The following CYRIA variants were observed in gnomAD, a reference collection of about 807,000 sequenced individuals.
The protein encoded by CYRIA is CYFIP-related Rac1 interactor A.
Under a neutral mutation model 43.9 loss-of-function variants are expected in CYRIA, and 15 were observed. The observed-to-expected ratio is 0.34, with a 90% CI of 0.23 to 0.53. The LOEUF (loss-of-function observed/expected upper bound fraction) is 0.53. Ranked by LOEUF, CYRIA falls within the 20% of genes least tolerant of loss-of-function variation. The pLI is 0.94. For synonymous variants in CYRIA, 117 were observed against 136.0 expected (o/e 0.86, Z 0.97); for missense variants, 236 against 394.2 (o/e 0.60, Z 3.40).
At chr2:16,633,542 G>GTT (rs1669393828) in intron 1 of CYRIA, among the ~76,000 whole-genome samples, 2 of 123,064 alleles carry the variant, frequency 1.6e-5, no homozygotes, top group Admixed American at 9.1e-5. Context: ...ACTATCCCTG[G>GTT]CTTTTTTTTT....
chr2:16,634,648 A>G (rs543238932), intron 1 of CYRIA, among the ~76,000 whole-genome samples: 2 of 143,218 alleles, frequency 1.4e-5, no homozygotes, highest in South Asian at 2.3e-4. Flanking sequence ...ACAGCACATC[A>G]CAGTGATAAG....
intron 4 of CYRIA, 22 bp downstream of exon 4, chr2:16,565,624 T>G (rs753484769): frequency 6.5e-7 from 1 of 1,543,638 alleles, no homozygotes; most frequent in East Asian, 2.3e-5. Flanking sequence ...GTGTTGTCAG[T>G]TCAGCGTGAT....
chr2:16,602,146 A>G (rs1397012288), intron 2 of CYRIA, among the ~76,000 whole-genome samples: 1 of 152,228 alleles, frequency 6.6e-6, no homozygotes, highest in Admixed American at 6.5e-5. Context: ...ACCAGGGTTT[A>G]TTTTCTAACA....
intron 1 of CYRIA, among the ~76,000 whole-genome samples, chr2:16,634,111 TG>T (rs1669420053): frequency 1.3e-5 from 2 of 152,176 alleles, no homozygotes; most frequent in African/African-American, 4.8e-5. Flanking sequence ...TATTTAGGCT[TG>T]ATAAGCTTAC....
intron 4 of CYRIA, among the ~76,000 whole-genome samples, 162 bp from the exon 5 acceptor site, chr2:16,564,256 T>G (rs531239509): frequency 6.6e-5 from 10 of 152,306 alleles, no homozygotes; most frequent in Admixed American, 4.6e-4. Context: ...ATGCTCAATA[T>G]GAATGGAAAT....
At position 16,552,854 on chromosome 2, in the gene CYRIA, A is replaced by T. The variant is rs559615335; in HGVS notation, c.*82T>A. 2.2e-6 allele frequency: 2 copies of T among 899,022 alleles called. 1 individual carries two copies. Among genetic ancestry groups the T allele is most frequent in the South Asian group, 2.7e-5 (2 of 74,374 alleles). 55.7% of individuals were successfully genotyped at this position (899,022 alleles called of 1,614,324 possible). The stretch of plus-strand genomic sequence containing the variant: ...GAAACGGTTATGTAAATACACAAGT[A>T]TTAACATCAATCTGTATTAAATTAT... On this transcript the variant is annotated 3_prime_UTR_variant, in exon 12 of 12. Coordinates refer to ENST00000381323, the MANE Select transcript of CYRIA (RefSeq NM_030797.4).
At chr2:16,588,852 A>G (rs374539692) in intron 2 of CYRIA, among the ~76,000 whole-genome samples, 1 of 152,274 alleles carries the variant, frequency 6.6e-6, no homozygotes, top group Non-Finnish European at 1.5e-5. Flanking sequence ...ATGAAAAGGC[A>G]TAATGCCCAA....
intron 1 of CYRIA, among the ~76,000 whole-genome samples, chr2:16,624,391 A>C (rs545432215): frequency 3.3e-5 from 5 of 152,282 alleles, no homozygotes; most frequent in East Asian, 1.9e-4. Flanking sequence ...ACACATTTTG[A>C]AAAAGGGAGG....
intron 3 of CYRIA, among the ~76,000 whole-genome samples, chr2:16,581,894 C>G (rs1473549742): frequency 6.6e-6 from 1 of 152,154 alleles, no homozygotes; most frequent in African/African-American, 2.4e-5. Flanking sequence ...CATGTAATGA[C>G]ATGGCTGGAT....
intron 1 of CYRIA, among the ~76,000 whole-genome samples, chr2:16,657,592 G>GCC (rs750248821): frequency 4.3e-4 from 65 of 152,062 alleles, no homozygotes; most frequent in Admixed American, 2.2e-3. Flanking sequence ...CATGAGATGG[G>GCC]CCATGTCACC....
intron 1 of CYRIA, among the ~76,000 whole-genome samples, chr2:16,625,554 A>G (rs1669136164): frequency 6.6e-6 from 1 of 152,162 alleles, no homozygotes; most frequent in African/African-American, 2.4e-5. Flanking sequence ...TTGTGATGGT[A>G]ACAGGGCAGG....
chr2:16,573,008 A>G (rs1356950556), intron 3 of CYRIA, among the ~76,000 whole-genome samples: 1 of 152,248 alleles, frequency 6.6e-6, no homozygotes. Context: ...CAATGTCCCT[A>G]TATTTATGTG....
At chr2:16,608,925 A>G (rs997481001) in intron 2 of CYRIA, among the ~76,000 whole-genome samples, 1 of 152,196 alleles carries the variant, frequency 6.6e-6, no homozygotes, top group African/African-American at 2.4e-5. Context: ...TCACATGGCT[A>G]TTAATCATAC....
At chr2:16,654,561 G>A (rs1158586434) in intron 1 of CYRIA, among the ~76,000 whole-genome samples, 1 of 152,160 alleles carries the variant, frequency 6.6e-6, no homozygotes, top group East Asian at 1.9e-4. Context: ...ACGTGTAGAA[G>A]TTTTAGAGCC....
intron 6 of CYRIA, among the ~76,000 whole-genome samples, 189 bp from the exon 7 acceptor site, chr2:16,561,722 A>G (rs1267667012): frequency 6.6e-6 from 1 of 152,222 alleles, no homozygotes; most frequent in Non-Finnish European, 1.5e-5. Flanking sequence ...CCTGTGGGCT[A>G]GATTTCAGGG....
At chr2:16,602,255 C>T (rs1032016478) in intron 2 of CYRIA, among the ~76,000 whole-genome samples, 27 of 152,126 alleles carry the variant, frequency 1.8e-4, no homozygotes, top group African/African-American at 6.3e-4. Flanking sequence ...GACCCAATAC[C>T]TTCCAGAATC....
chr2:16,555,900 T>C (rs1666490794), intron 10 of CYRIA, among the ~76,000 whole-genome samples: 1 of 152,182 alleles, frequency 6.6e-6, no homozygotes, highest in East Asian at 1.9e-4. Flanking sequence ...CTGAGTTTCC[T>C]TCATGCTTGT....
intron 2 of CYRIA, among the ~76,000 whole-genome samples, chr2:16,610,370 T>G (rs571726213): frequency 1.3e-5 from 2 of 152,326 alleles, no homozygotes; most frequent in Admixed American, 6.5e-5. Context: ...TTATTAGATG[T>G]TTTTGGGAAA....
chr2:16,556,642 GA>G (rs1211650195), intron 10 of CYRIA, among the ~76,000 whole-genome samples: 3 of 152,134 alleles, frequency 2.0e-5, no homozygotes, highest in Non-Finnish European at 4.4e-5. Context: ...TTTACCTGTG[GA>G]AAACATCCTT....
Sources: allele counts gnomAD v4.1 joint callset (sites outside exome capture counted in the v4.1 genomes callset), GRCh38; gene constraint gnomAD v4.1.1; transcripts MANE v1.5; gene names NCBI Gene and HGNC (gene_info 2026-07-23, HGNC 2026-07-21).